CAST: variants seen among roughly 807,000 people sequenced by gnomAD.
CAST encodes the protein MIR583 host.
A neutral mutation model predicts 119.6 loss-of-function variants in CAST; 76 were observed. The observed-to-expected ratio is 0.64, with a 90% CI of 0.53 to 0.77. The LOEUF (loss-of-function observed/expected upper bound fraction) is 0.77, where lower values mean the gene tolerates loss of function less well. Among genes scored for constraint, CAST ranks in the 30% least tolerant of loss-of-function variants. The pLI, the probability that CAST is intolerant of heterozygous loss-of-function variation, is 0.00. For synonymous variants in CAST, 319 were observed against 331.6 expected (o/e 0.96, Z 0.41); for missense variants, 953 against 946.5 (o/e 1.01, Z -0.09).
the CAST span, among the ~76,000 whole-genome samples, chr5:96,286,501 G>A: frequency 3.9e-5 from 6 of 152,168 alleles, no homozygotes; most frequent in African/African-American, 1.4e-4. Flanking sequence ...AAAGGGAGGG[G>A]CAAGATATGG....
In CAST at chr5:96,767,922, C is replaced by T; in HGVS notation, c.2191C>T (p.Gln731Ter). ...SEDSKKPADD[Q>*]DPIDALSGDL... ...CATATCTCAGAAACCTGCAGATGACCAAGACCCCATTGATGCTCTCTCAGG... is the reference window on the plus strand; with the variant it reads ...CATATCTCAGAAACCTGCAGATGACTAAGACCCCATTGATGCTCTCTCAGG... Residue 731 changes from glutamine (Q) to a stop codon, truncating the protein, a stop_gained, in exon 29 of 32, where the codon CAA (glutamine) becomes TAA (stop). Transcript: ENST00000675179. LOFTEE classifies it high-confidence loss of function. 1 of 1,612,898 alleles carries T rather than the reference C, an allele frequency of 6.2e-7. No individual in the cohort carries two copies.
chr5:96,771,708 T>C lies in CAST; in HGVS notation c.*23+6T>C. On this transcript the variant is annotated splice_donor_region_variant and intron_variant, in intron 31 of 31. Coordinates refer to ENST00000675179, the MANE Select transcript of CAST (RefSeq NM_001750.7). ...AATACAAGTTAAGGTATCTGGTAAG[T>C]TGGGTGTTTATTTGTAAATGAAGAC... The C allele has an allele frequency of 6.3e-7, 1 of 1,587,890 alleles. No homozygotes were observed. The highest frequency in any genetic ancestry group is 1.3e-5 in the African/African-American group (1 of 74,304).
the CAST span, among the ~76,000 whole-genome samples, chr5:96,490,984 C>A: frequency 6.6e-6 from 1 of 151,934 alleles, no homozygotes. Flanking sequence ...AAATGTCTGA[C>A]AAATGGCTCA....
upstream of CAST, among the ~76,000 whole-genome samples, chr5:96,526,850 G>A (rs1745604174): frequency 1.3e-5 from 2 of 152,202 alleles, no homozygotes; most frequent in Non-Finnish European, 2.9e-5. Context: ...AGTAGGATCT[G>A]TGGCCTGTGC....
chr5:96,679,004 T>A (rs929025205), intron 2 of CAST, among the ~76,000 whole-genome samples: 6 of 152,110 alleles, frequency 3.9e-5, no homozygotes, highest in African/African-American at 1.4e-4. Flanking sequence ...GCAGCAATTT[T>A]ATTTTTATTT....
chr5:96,560,924 T>G (rs1434179973), intron 1 of CAST, among the ~76,000 whole-genome samples: 1 of 152,230 alleles, frequency 6.6e-6, no homozygotes, highest in African/African-American at 2.4e-5. Flanking sequence ...GTGGCACTAT[T>G]CACTACAGCA....
the CAST span, among the ~76,000 whole-genome samples, chr5:96,317,112 C>T: frequency 2.0e-5 from 3 of 152,072 alleles, no homozygotes; most frequent in Non-Finnish European, 4.4e-5. Flanking sequence ...TTACCACACA[C>T]ATTTGACATT....
At chr5:96,667,996 C>G (rs1324368275) in intron 1 of CAST, among the ~76,000 whole-genome samples, 1 of 152,184 alleles carries the variant, frequency 6.6e-6, no homozygotes, top group African/African-American at 2.4e-5. Flanking sequence ...GCCCGGGCGA[C>G]AGAGCAAGAC....
chr5:96,075,005 C>T, the CAST span, among the ~76,000 whole-genome samples: 1 of 152,114 alleles, frequency 6.6e-6, no homozygotes. Context: ...AAAATGAAAG[C>T]ATATCCCCAG....
At chr5:96,123,881 GA>G in the CAST span, among the ~76,000 whole-genome samples, 1 of 152,056 alleles carries the variant, frequency 6.6e-6, no homozygotes, top group Non-Finnish European at 1.5e-5. Context: ...AAATTGCTTA[GA>G]TTTTTTTTCC....
the CAST span, among the ~76,000 whole-genome samples, chr5:96,044,665 A>G: frequency 1.4e-4 from 21 of 152,210 alleles, no homozygotes; most frequent in Admixed American, 9.8e-4. Flanking sequence ...GAGAATATTC[A>G]TAGTAGCACC....
At chr5:96,277,039 A>C in the CAST span, among the ~76,000 whole-genome samples, 1 of 152,222 alleles carries the variant, frequency 6.6e-6, no homozygotes, top group Admixed American at 6.5e-5. Context: ...ACAGCTGCGT[A>C]GTATTCCATT....
At chr5:96,206,096 G>C in the CAST span, among the ~76,000 whole-genome samples, 1 of 151,726 alleles carries the variant, frequency 6.6e-6, no homozygotes, top group Non-Finnish European at 1.5e-5. Context: ...TGAATGCTTT[G>C]TGGCTGTGTA....
intron 1 of CAST, among the ~76,000 whole-genome samples, chr5:96,538,574 T>G (rs1352619701): frequency 6.6e-6 from 1 of 152,140 alleles, no homozygotes; most frequent in Non-Finnish European, 1.5e-5. Flanking sequence ...TCTGAATTGA[T>G]AATATAGTCA....
chr5:95,969,241 G>A, the CAST span, among the ~76,000 whole-genome samples: 6 of 152,118 alleles, frequency 3.9e-5, no homozygotes, highest in African/African-American at 9.7e-5. Context: ...TATGGACTTC[G>A]ATCTGTGAGC....
the CAST span, among the ~76,000 whole-genome samples, chr5:95,962,871 A>AG: frequency 6.6e-6 from 1 of 152,206 alleles, no homozygotes; most frequent in Non-Finnish European, 1.5e-5. Flanking sequence ...TTTAAAGGTA[A>AG]GAGGCTGTCG....
the CAST span, among the ~76,000 whole-genome samples, chr5:96,366,350 A>G: frequency 2.0e-5 from 3 of 152,094 alleles, no homozygotes; most frequent in Non-Finnish European, 4.4e-5. Context: ...CATTCTCTGT[A>G]TTTCCTGAAT....
the CAST span, among the ~76,000 whole-genome samples, chr5:96,481,860 A>G: frequency 6.6e-6 from 1 of 152,210 alleles, no homozygotes. Context: ...GGGAAGTAAT[A>G]AAGTATTATA....
the CAST span, among the ~76,000 whole-genome samples, chr5:96,287,807 T>A: frequency 6.6e-6 from 1 of 152,008 alleles, no homozygotes; most frequent in Non-Finnish European, 1.5e-5. Flanking sequence ...AAAGTGCAGT[T>A]GTATATGTTG....
Sources: gnomAD v4.1 joint callset for allele counts (sites outside exome capture counted in the v4.1 genomes callset) on GRCh38, gnomAD v4.1.1 for gene constraint, MANE v1.5 for transcripts, NCBI Gene and HGNC (gene_info 2026-07-23, HGNC 2026-07-21) for gene names.